The following RASSF3 variants were observed in gnomAD, a reference collection of about 807,000 sequenced individuals.
RASSF3 encodes ras association domain-containing protein 3.
RASSF3 carries 19 observed loss-of-function variants against 19.9 expected under a neutral mutation model. The ratio of observed to expected loss-of-function variants is 0.96; its 90% CI spans 0.67 to 1.40. RASSF3 has a LOEUF of 1.40. Ranked by LOEUF, RASSF3 falls within the 40% of genes most tolerant of loss-of-function variation. RASSF3 has a pLI of 0.00. For missense variants in RASSF3, 306 were observed against 289.8 expected, an observed-to-expected ratio of 1.06 and a Z score of -0.41; for synonymous variants, 110 against 104.2, an observed-to-expected ratio of 1.06 and a Z score of -0.34.
At chr12:64,659,599 C>T (rs548854559) in intron 1 of RASSF3, among the ~76,000 whole-genome samples, 1 of 152,116 alleles carries the variant, frequency 6.6e-6, no homozygotes, top group African/African-American at 2.4e-5. Flanking sequence ...TTGCAACAGT[C>T]TATTAATAGA....
intron 2 of RASSF3, among the ~76,000 whole-genome samples, chr12:64,576,068 T>C (rs1342620036): frequency 6.6e-6 from 1 of 152,100 alleles, no homozygotes; most frequent in African/African-American, 2.4e-5. Context: ...TTTATATTTT[T>C]AGTAGAGACA....
intron 1 of RASSF3, among the ~76,000 whole-genome samples, chr12:64,539,239 G>C (rs568478672): frequency 4.7e-4 from 72 of 152,146 alleles, no homozygotes; most frequent in African/African-American, 1.4e-3. Flanking sequence ...CATGGCAAGG[G>C]GGCAGGAGCA....
At chr12:64,541,666 G>A (rs1868936485) in exon 2 of RASSF3, 5 of 398,488 alleles carry the variant, frequency 1.3e-5, no homozygotes, top group African/African-American at 2.1e-5. Context: ...GCTGCATGCC[G>A]ACTTCTGAAG....
chr12:64,629,988 A>G (rs1268686126), intron 1 of RASSF3: 18 of 150,632 alleles, frequency 1.2e-4, no homozygotes, highest in African/African-American at 4.2e-4. Flanking sequence ...GAAAAAGAAA[A>G]AAAGAACAAG....
intron 2 of RASSF3, among the ~76,000 whole-genome samples, chr12:64,580,022 C>T (rs1364637851): frequency 6.6e-6 from 1 of 151,876 alleles, no homozygotes; most frequent in African/African-American, 2.4e-5. Context: ...ACCACGTTGG[C>T]CAGGCTGGTC....
At chr12:64,560,527 T>A (rs1869329560) in intron 2 of RASSF3, among the ~76,000 whole-genome samples, 1 of 152,218 alleles carries the variant, frequency 6.6e-6, no homozygotes, top group African/African-American at 2.4e-5. Flanking sequence ...CACCAGGACA[T>A]CTTCCTGAAT....
At chr12:64,684,523 C>T (rs1873269537) in intron 1 of RASSF3, among the ~76,000 whole-genome samples, 1 of 151,160 alleles carries the variant, frequency 6.6e-6, no homozygotes, top group Non-Finnish European at 1.5e-5. Context: ...CTCTGCCTCT[C>T]ACGTTCAAAG....
chr12:64,647,002 A>G (rs1431016458), intron 1 of RASSF3, among the ~76,000 whole-genome samples: 2 of 152,172 alleles, frequency 1.3e-5, no homozygotes, highest in Non-Finnish European at 2.9e-5. Flanking sequence ...AATTTGCCCA[A>G]GTTTATCTAG....
rs142349009 is a variant in RASSF3, at chr12:64,601,716, G to A, written c.294+60011G>A. ...TAGTCCCAGCTACTCAGGAGGCCGA[G>A]GTGGGAAGGTCCCTTGACCCTGGGA... On this transcript the variant is annotated intron_variant, in intron 2 of 5. Coordinates refer to the RASSF3 transcript ENST00000637125. Among the ~76,000 whole-genome samples, 671 of 152,164 alleles carry A rather than the reference G, an allele frequency of 4.4e-3. 9 individuals carry two copies. Among genetic ancestry groups the A allele is most frequent in the African/African-American group, 0.016 (644 of 41,508 alleles).
upstream of RASSF3, among the ~76,000 whole-genome samples, chr12:64,605,678 T>C (rs1345967413): frequency 2.6e-5 from 4 of 151,816 alleles, no homozygotes; most frequent in African/African-American, 7.3e-5. Context: ...TCAACTGAGG[T>C]TGGGAGTTCA....
At chr12:64,518,774 T>A (rs527404906) in intron 1 of RASSF3, among the ~76,000 whole-genome samples, 1 of 152,242 alleles carries the variant, frequency 6.6e-6, no homozygotes, top group African/African-American at 2.4e-5. Context: ...GTTTCCAGAC[T>A]TATTCGAATG....
intron 1 of RASSF3, among the ~76,000 whole-genome samples, chr12:64,537,319 G>A (rs552951013): frequency 3.0e-4 from 46 of 152,268 alleles, no homozygotes; most frequent in African/African-American, 5.5e-4. Flanking sequence ...CTAAGACCCC[G>A]TGAGGCCCCT....
intron 2 of RASSF3, among the ~76,000 whole-genome samples, chr12:64,588,254 G>T (rs529593943): frequency 6.6e-6 from 1 of 152,266 alleles, no homozygotes; most frequent in African/African-American, 2.4e-5. Flanking sequence ...TTAGAAAAGT[G>T]AATTCTTGAA....
chr12:64,607,239 G>A (rs1361054215), upstream of RASSF3, among the ~76,000 whole-genome samples: 1 of 149,732 alleles, frequency 6.7e-6, no homozygotes, highest in African/African-American at 2.5e-5. Flanking sequence ...AGCCAACATG[G>A]CACCACTGCA....
At chr12:64,638,386 C>T (rs1871395807) in intron 1 of RASSF3, among the ~76,000 whole-genome samples, 1 of 151,994 alleles carries the variant, frequency 6.6e-6, no homozygotes, top group Non-Finnish European at 1.5e-5. Flanking sequence ...CGAGACCATC[C>T]TGGCTAATAC....
At chr12:64,679,082 G>T (rs986669043) in intron 1 of RASSF3, among the ~76,000 whole-genome samples, 1 of 152,160 alleles carries the variant, frequency 6.6e-6, no homozygotes, top group Admixed American at 6.5e-5. Flanking sequence ...AAGCGGGGGT[G>T]GGGACAGAGT....
At chr12:64,687,130 A>AT (rs1285385863) in intron 2 of RASSF3, among the ~76,000 whole-genome samples, 1 of 151,812 alleles carries the variant, frequency 6.6e-6, no homozygotes, top group Non-Finnish European at 1.5e-5. Context: ...AGTAGCTGGG[A>AT]TTATAGGCAC....
chr12:64,611,937 C>G (rs2136153874), intron 1 of RASSF3, among the ~76,000 whole-genome samples: 1 of 152,322 alleles, frequency 6.6e-6, no homozygotes, highest in African/African-American at 2.4e-5. Flanking sequence ...GAAGGGTAAG[C>G]TGAAGTCAAG....
intron 4 of RASSF3, 114 bp from the exon 5 acceptor site, chr12:64,694,649 C>G: frequency 8.7e-7 from 1 of 1,149,590 alleles, no homozygotes; most frequent in Non-Finnish European, 1.3e-6. Flanking sequence ...ACACCTTCTG[C>G]GGCATGGGGC....
Sources: gnomAD v4.1 joint callset for allele counts (sites outside exome capture counted in the v4.1 genomes callset) on GRCh38, gnomAD v4.1.1 for gene constraint, MANE v1.5 for transcripts, NCBI Gene and HGNC (gene_info 2026-07-23, HGNC 2026-07-21) for gene names.